DHDDS: variants seen among roughly 807,000 people sequenced by gnomAD.
DHDDS encodes dehydrodolichyl diphosphate synthase subunit.
A neutral mutation model predicts 46.2 loss-of-function variants in DHDDS; 16 were observed. That is an observed-to-expected ratio of 0.35 (90% confidence interval 0.23 to 0.53). The LOEUF is 0.53. DHDDS is among the 20% of genes least tolerant of loss of function. The probability of loss-of-function intolerance (pLI) is 0.94; values close to 1 mark genes in which losing one functional copy is unlikely to be tolerated. For synonymous variants in DHDDS, 151 were observed against 163.1 expected (o/e 0.93, Z 0.56); for missense variants, 340 against 423.7 (o/e 0.80, Z 1.73).
At chr1:26,457,475 A>G (rs2075381300) in intron 6 of DHDDS, among the ~76,000 whole-genome samples, 1 of 151,712 alleles carries the variant, frequency 6.6e-6, no homozygotes, top group Non-Finnish European at 1.5e-5. Flanking sequence ...ATCTCAAATA[A>G]ATAAATAAAT....
At chr1:26,454,400 T>C (rs1430449044) in intron 6 of DHDDS, among the ~76,000 whole-genome samples, 2 of 152,148 alleles carry the variant, frequency 1.3e-5, no homozygotes, top group African/African-American at 2.4e-5. Context: ...AGAAACTCTT[T>C]GCAGATAAAT....
Position 26,460,132 on chromosome 1 carries a change from T to C in DHDDS, c.753T>C (p.His251=), listed in dbSNP as rs915027151. 1.8e-5 allele frequency: 29 copies of C among 1,613,700 alleles called. No individual in the cohort carries two copies. The highest frequency in any genetic ancestry group is 2.4e-5 in the Non-Finnish European group (28 of 1,179,754). The change falls in exon 8 of 9, where the codon CAT becomes CAC. Residue 251 remains histidine (H), a synonymous_variant. Transcript: ENST00000236342. ...FEAILQFQMN[H]SVLQKARDMY... ...CCATCCTGCAGTTCCAGATGAACCA[T>C]AGCGTGCTTCAGGTAAGAAAGAGTT...
intron 3 of DHDDS, among the ~76,000 whole-genome samples, chr1:26,441,895 TAAAA>T (rs71581065): frequency 2.4e-5 from 3 of 123,946 alleles, no homozygotes; most frequent in Non-Finnish European, 3.4e-5. Context: ...GACTCCAGCT[TAAAA>T]AAAAAAAAAA....
chr1:26,432,611 G>A, intron 1 of DHDDS: 1 of 371,536 alleles, frequency 2.7e-6, no homozygotes, highest in Admixed American at 4.0e-5. Flanking sequence ...ACCATGATGT[G>A]GCAGGAAACC....
At chr1:26,438,726 G>GAA in intron 3 of DHDDS, 3 of 155,362 alleles carry the variant, frequency 1.9e-5, no homozygotes, top group Admixed American at 6.2e-5. Context: ...ACCATCTCAA[G>GAA]AAAAAAAAAA....
intron 6 of DHDDS, chr1:26,448,193 C>CTTTTTTT (rs11300095): frequency 6.6e-5 from 8 of 121,368 alleles, no homozygotes; most frequent in East Asian, 2.6e-4. Flanking sequence ...TTTTTCTTTT[C>CTTTTTTT]TTTTTTTTTT....
At chr1:26,455,941 G>A (rs2075366396) in intron 6 of DHDDS, among the ~76,000 whole-genome samples, 1 of 152,114 alleles carries the variant, frequency 6.6e-6, no homozygotes, top group African/African-American at 2.4e-5. Context: ...CTGCTTCTGG[G>A]TAGTTGGTAG....
At chr1:26,459,563 G>A (rs1256285070) in intron 7 of DHDDS, among the ~76,000 whole-genome samples, 3 of 152,218 alleles carry the variant, frequency 2.0e-5, no homozygotes, top group Non-Finnish European at 2.9e-5. Flanking sequence ...AATGGTTGGA[G>A]CCAAAATTCA....
intron 2 of DHDDS, 71 bp downstream of exon 2, chr1:26,433,079 A>G (rs1485932546): frequency 2.4e-5 from 37 of 1,518,528 alleles, no homozygotes; most frequent in Non-Finnish European, 3.2e-5. Context: ...ACCTGTTATT[A>G]AAGTTGATGA....
intron 8 of DHDDS, among the ~76,000 whole-genome samples, chr1:26,467,765 A>G (rs574362204): frequency 6.6e-6 from 1 of 152,362 alleles, no homozygotes; most frequent in East Asian, 1.9e-4. Flanking sequence ...ACCATAGGAA[A>G]ATAGAGTTTC....
At chr1:26,447,451 T>G (rs932519091) in intron 5 of DHDDS, 108 bp from the exon 6 acceptor site, 2 of 839,020 alleles carry the variant, frequency 2.4e-6, no homozygotes, top group Non-Finnish European at 4.1e-6. Context: ...ACATTTGATG[T>G]GTATTTGTTT....
chr1:26,459,445 T>C (rs994227538), intron 7 of DHDDS, among the ~76,000 whole-genome samples: 6 of 152,256 alleles, frequency 3.9e-5, no homozygotes, highest in African/African-American at 1.2e-4. Context: ...GCATATGTTA[T>C]CTCATTTAAT....
chr1:26,468,821 C>CAAACACCAACA, intron 8 of DHDDS, 74 bp from the exon 9 acceptor site: 2 of 1,546,480 alleles, frequency 1.3e-6, no homozygotes, highest in Non-Finnish European at 1.8e-6. Context: ...GCCCCACCCC[C>CAAACACCAACA]TACCTCCTCC....
chr1:26,452,319 AG>A (rs1485663953), intron 6 of DHDDS, among the ~76,000 whole-genome samples: 1 of 152,242 alleles, frequency 6.6e-6, no homozygotes, highest in Non-Finnish European at 1.5e-5. Flanking sequence ...CTGGGATTAC[AG>A]GTTTGAACCA....
Position 26,446,326 on chromosome 1 carries a change from C to G in DHDDS, c.334C>G (p.Gln112Glu). 1 of 1,613,898 alleles carries G rather than the reference C, an allele frequency of 6.2e-7. No homozygotes were observed. The highest frequency in any genetic ancestry group is 8.5e-7 in the Non-Finnish European group (1 of 1,179,854). ...CTTTTCCCTGATCAGGGAGAAACTG[C>G]AGAAGCATGGGGTGTGTATCCGGGT... Reference protein sequence around the residue: ...SRLMEEKEKLQKHGVCIRVLG... With the variant: ...SRLMEEKEKLEKHGVCIRVLG... Residue 112 changes from glutamine to glutamate, a missense_variant, in exon 5 of 9, where the codon CAG (glutamine) becomes GAG (glutamate). Coordinates refer to ENST00000236342, the MANE Select transcript of DHDDS (RefSeq NM_205861.3).
At chr1:26,460,249 T>C (rs1277876729) in intron 8 of DHDDS, 105 bp downstream of exon 8, 20 of 900,434 alleles carry the variant, frequency 2.2e-5, no homozygotes, top group Middle Eastern at 2.1e-4. Context: ...AATAAGATGA[T>C]GATAATGATG....
chr1:26,458,877 G>A (rs2075397090), intron 7 of DHDDS, among the ~76,000 whole-genome samples: 1 of 152,102 alleles, frequency 6.6e-6, no homozygotes, highest in Non-Finnish European at 1.5e-5. Flanking sequence ...GTTACTCAGT[G>A]TACAGAATTA....
chr1:26,460,013 T>G (rs1390600922), intron 7 of DHDDS, 24 bp from the exon 8 acceptor site: 1 of 1,589,098 alleles, frequency 6.3e-7, no homozygotes, highest in Admixed American at 1.7e-5. Context: ...TACTAAATCA[T>G]ACTCTCCTCC....
chr1:26,443,867 C>G (rs1385710388), intron 4 of DHDDS, among the ~76,000 whole-genome samples: 8 of 152,204 alleles, frequency 5.3e-5, no homozygotes, highest in Non-Finnish European at 7.3e-5. Flanking sequence ...TTACTATATG[C>G]CAGGCTTTGA....
Sources: allele counts gnomAD v4.1 joint callset (sites outside exome capture counted in the v4.1 genomes callset), GRCh38; gene constraint gnomAD v4.1.1; transcripts MANE v1.5; gene names NCBI Gene and HGNC (gene_info 2026-07-23, HGNC 2026-07-21).